SCFD2: variants seen among roughly 807,000 people sequenced by gnomAD.
SCFD2 encodes sec1 family domain containing 2, also known as sec1 family domain-containing protein 2.
A neutral mutation model predicts 58.9 loss-of-function variants in SCFD2; 54 were observed. That is an observed-to-expected ratio of 0.92 (90% CI 0.74 to 1.15). SCFD2 has a LOEUF of 1.15. Ranked by LOEUF, SCFD2 falls within the 50% of genes most tolerant of loss-of-function variation. SCFD2 has a pLI of 0.00. For synonymous variants in SCFD2, 321 were observed against 335.9 expected (o/e 0.96, Z 0.49); for missense variants, 805 against 836.6 (o/e 0.96, Z 0.47).
intron 5 of SCFD2, among the ~76,000 whole-genome samples, chr4:52,936,275 A>G (rs1720136418): frequency 6.6e-6 from 1 of 152,142 alleles, no homozygotes; most frequent in African/African-American, 2.4e-5. Flanking sequence ...TGGGTGCCAT[A>G]GCTCCACCCG....
intron 5 of SCFD2, among the ~76,000 whole-genome samples, chr4:53,027,906 T>A (rs1198939813): frequency 4.6e-5 from 7 of 152,096 alleles, no homozygotes; most frequent in Admixed American, 1.3e-4. Context: ...ATTTTATTTT[T>A]TTTTTCTTTA....
chr4:53,200,156 T>A (rs1329179613), intron 4 of SCFD2, among the ~76,000 whole-genome samples: 1 of 152,092 alleles, frequency 6.6e-6, no homozygotes, highest in Non-Finnish European at 1.5e-5. Context: ...CAGAACACAA[T>A]TCAGTCTATA....
intron 6 of SCFD2, among the ~76,000 whole-genome samples, chr4:52,910,331 T>G (rs1719455427): frequency 6.6e-6 from 1 of 152,184 alleles, no homozygotes; most frequent in South Asian, 2.1e-4. Context: ...GGACATTCCT[T>G]AGAGATGGTG....
At chr4:52,947,789 C>T (rs1720473499) in intron 5 of SCFD2, among the ~76,000 whole-genome samples, 1 of 147,526 alleles carries the variant, frequency 6.8e-6, no homozygotes, top group Non-Finnish European at 1.5e-5. Flanking sequence ...GTGAAAAGGC[C>T]AAAACTTTAA....
rs1396331062 is a variant in SCFD2 at position 53,237,191 on chromosome 4, G to A, written c.1311+36635C>T. On this transcript the variant is annotated intron_variant, in intron 4 of 8. Coordinates refer to ENST00000401642, the MANE Select transcript of SCFD2 (RefSeq NM_152540.4). ...AGATCAACAGGATCCCAAGGCAGAA[G>A]AATTTTTCTTAGTACAGAACAAAAT... Among the ~76,000 whole-genome samples, 5 of 149,614 alleles carry A rather than the reference G, an allele frequency of 3.3e-5. 1 individual carries two copies. In the South Asian group the frequency reaches 6.5e-4, roughly 20 times the overall value.
At chr4:53,298,120 C>A (rs547457386) in intron 3 of SCFD2, among the ~76,000 whole-genome samples, 16 of 152,210 alleles carry the variant, frequency 1.1e-4, no homozygotes, top group African/African-American at 3.9e-4. Context: ...GAGCAGCACA[C>A]CATGCGTGAG....
At chr4:53,201,614 T>C (rs1728241753) in intron 4 of SCFD2, among the ~76,000 whole-genome samples, 1 of 152,118 alleles carries the variant, frequency 6.6e-6, no homozygotes, top group Admixed American at 6.5e-5. Flanking sequence ...ACTTCCACAA[T>C]GGTTGAACTA....
At chr4:53,182,223 G>A (rs1727586646) in intron 4 of SCFD2, among the ~76,000 whole-genome samples, 1 of 152,124 alleles carries the variant, frequency 6.6e-6, no homozygotes, top group Non-Finnish European at 1.5e-5. Context: ...GAACAAAGCT[G>A]GAGGCATCAT....
chr4:53,326,641 A>G (rs999232193), intron 2 of SCFD2, among the ~76,000 whole-genome samples: 1 of 152,186 alleles, frequency 6.6e-6, no homozygotes, highest in African/African-American at 2.4e-5. Context: ...CAAGACAAAA[A>G]GAAAAAAATA....
chr4:53,103,767 G>GAAAA (rs1724898455), intron 5 of SCFD2, among the ~76,000 whole-genome samples: 1 of 7,226 alleles, frequency 1.4e-4, no homozygotes, highest in Non-Finnish European at 4.8e-4. Flanking sequence ...AAGTAAGGAA[G>GAAAA]TAAAAAAAAA....
In SCFD2 at chr4:52,934,368, C is replaced by A. The variant is rs139046524; in HGVS notation, c.1562-13498G>T. Among the ~76,000 whole-genome samples the A allele has an allele frequency of 6.6e-5, 10 of 152,300 alleles. No homozygotes were observed. The East Asian group carries it at 1.9e-3, about 29-fold the overall frequency. On this transcript the variant is annotated intron_variant, in intron 5 of 8. Transcript: ENST00000401642. ...GGTCTCAGGCCTGCAACCAGTTTGG[C>A]ATCTCATGTAGGGTCAAGCATCCAG... is the stretch of plus-strand genomic sequence containing the variant.
chr4:53,229,119 G>C (rs1489666678), intron 4 of SCFD2, among the ~76,000 whole-genome samples: 2 of 152,154 alleles, frequency 1.3e-5, no homozygotes, highest in Non-Finnish European at 2.9e-5. Flanking sequence ...TGAAATAAAA[G>C]AGGATACAAA....
At chr4:52,875,816 AT>A (rs1718457763) in intron 8 of SCFD2, among the ~76,000 whole-genome samples, 1 of 38,592 alleles carries the variant, frequency 2.6e-5, no homozygotes, top group African/African-American at 1.2e-4. Context: ...ATATATATAT[AT>A]ATATATATAT....
chr4:53,346,659 G>A (rs1175609550), intron 2 of SCFD2, among the ~76,000 whole-genome samples: 2 of 152,102 alleles, frequency 1.3e-5, no homozygotes, highest in Admixed American at 1.3e-4. Flanking sequence ...AAGTGTCAGG[G>A]CACATCTCCT....
At chr4:53,103,101 C>A (rs924734623) in intron 5 of SCFD2, among the ~76,000 whole-genome samples, 1 of 152,036 alleles carries the variant, frequency 6.6e-6, no homozygotes, top group African/African-American at 2.4e-5. Context: ...TGATGAGAAG[C>A]AGGATGTTTG....
At chr4:52,955,114 G>C (rs1459875816) in intron 5 of SCFD2, among the ~76,000 whole-genome samples, 1 of 152,206 alleles carries the variant, frequency 6.6e-6, no homozygotes, top group African/African-American at 2.4e-5. Context: ...CCCTGTTTAG[G>C]AGGAAATAGA....
chr4:53,248,552 C>T (rs1560409871), intron 4 of SCFD2, among the ~76,000 whole-genome samples: 1 of 152,224 alleles, frequency 6.6e-6, no homozygotes, highest in East Asian at 1.9e-4. Context: ...AGCAGTGGTT[C>T]TCCCAGCACG....
intron 4 of SCFD2, among the ~76,000 whole-genome samples, chr4:53,167,912 T>A (rs1348150906): frequency 6.6e-6 from 1 of 152,228 alleles, no homozygotes; most frequent in Non-Finnish European, 1.5e-5. Context: ...GCAAAATGAA[T>A]AATTAAAGGT....
At chr4:52,908,554 A>G (rs1719401968) in intron 6 of SCFD2, among the ~76,000 whole-genome samples, 1 of 152,198 alleles carries the variant, frequency 6.6e-6, no homozygotes, top group African/African-American at 2.4e-5. Flanking sequence ...CATATCCTGT[A>G]TTAAACTCTT....
Sources: allele counts gnomAD v4.1 joint callset (sites outside exome capture counted in the v4.1 genomes callset), GRCh38; gene constraint gnomAD v4.1.1; transcripts MANE v1.5; gene names NCBI Gene and HGNC (gene_info 2026-07-23, HGNC 2026-07-21).